IL17RD: variants seen among roughly 807,000 people sequenced by gnomAD.
IL17RD encodes interleukin 17 receptor D, also known as interleukin-17 receptor D.
IL17RD carries 52 observed loss-of-function variants against 80.5 expected under a neutral mutation model. That is an observed-to-expected ratio of 0.65 (90% CI 0.52 to 0.81). The LOEUF (loss-of-function observed/expected upper bound fraction) is 0.81, where lower values mean the gene tolerates loss of function less well. Ranked by LOEUF, IL17RD falls within the 40% of genes least tolerant of loss-of-function variation. The pLI is 0.00. For missense variants in IL17RD, 1,024 were observed against 955.1 expected (o/e 1.07, Z -0.95); for synonymous variants, 416 against 391.8 (o/e 1.06, Z -0.73).
chr3:57,130,160 C>T (rs1707575422), intron 1 of IL17RD, among the ~76,000 whole-genome samples: 1 of 152,232 alleles, frequency 6.6e-6, no homozygotes, highest in South Asian at 2.1e-4. Context: ...AATCCTTACC[C>T]AATTTCCCCC....
At chr3:57,114,316 G>A (rs991024474) in intron 3 of IL17RD, among the ~76,000 whole-genome samples, 2 of 152,170 alleles carry the variant, frequency 1.3e-5, no homozygotes, top group South Asian at 2.1e-4. Context: ...CTCTGTGTCC[G>A]CGGAGACTGC....
intron 1 of IL17RD, 45 bp downstream of exon 1, chr3:57,165,116 C>T: frequency 2.0e-6 from 3 of 1,478,610 alleles, no homozygotes; most frequent in Middle Eastern, 2.3e-4. Context: ...GCGCTGCGTC[C>T]CCCGCGAGTT....
chr3:57,129,626 G>A (rs1559478248), intron 1 of IL17RD, among the ~76,000 whole-genome samples: 1 of 152,122 alleles, frequency 6.6e-6, no homozygotes, highest in South Asian at 2.1e-4. Flanking sequence ...ACCCCAACAG[G>A]TCCCCGGCAA....
chr3:57,098,252 C>T lies in IL17RD; in HGVS notation c.1451G>A (p.Cys484Tyr), dbSNP rs1706740320. Residue 484 changes from cysteine (C) to tyrosine (Y), a missense_variant, in exon 12 of 13, where the codon TGC (cysteine) becomes TAC (tyrosine). Cys to Tyr is a radical substitution (Grantham distance 194). Coordinates refer to ENST00000296318, the MANE Select transcript of IL17RD (RefSeq NM_017563.5). ...KFIAVYFDYS[C>Y]EGDVPGILDL... ...TAGGATACCGGGGACGTCTCCCTCG[C>T]AGGAATAATCAAAGTAGACGGCGAT... 2.5e-6 allele frequency: 4 copies of T among 1,613,798 alleles called. No homozygotes were observed. The highest frequency in any genetic ancestry group is 3.4e-6 in the Non-Finnish European group (4 of 1,179,866).
rs778523659 is a variant in IL17RD, at chr3:57,098,369, C to T, written c.1334G>A (p.Gly445Glu). 5 of 1,614,036 alleles carry T rather than the reference C, an allele frequency of 3.1e-6. No homozygotes were observed. The highest frequency in any genetic ancestry group is 4.2e-6 in the Non-Finnish European group (5 of 1,179,908). Residue 445 changes from glycine to glutamate, a missense_variant, in exon 12 of 13, where the codon GGG (glycine) becomes GAG (glutamate). By Grantham distance (98) the Gly-to-Glu change is moderately conservative. Coordinates refer to ENST00000296318, the MANE Select transcript of IL17RD (RefSeq NM_017563.5). ...YKHKGGGRGS[G>E]KGELFLVAVS... ...CGCCACCAGGAAGAGCTCTCCTTTCCCCGAGCCTCGGCCACCTCCTTTGTG... is the reference window on the plus strand; with the variant it reads ...CGCCACCAGGAAGAGCTCTCCTTTCTCCGAGCCTCGGCCACCTCCTTTGTG...
In IL17RD at chr3:57,119,044, A is replaced by T. The variant is rs183326423; in HGVS notation, c.184+1212T>A. Among the ~76,000 whole-genome samples, 346 of 152,016 alleles carry T rather than the reference A, an allele frequency of 2.3e-3. 4 individuals carry two copies. The highest frequency in any genetic ancestry group is 7.6e-3 in the African/African-American group (315 of 41,480). On this transcript the variant is annotated intron_variant, in intron 2 of 12. Coordinates refer to ENST00000296318, the MANE Select transcript of IL17RD (RefSeq NM_017563.5). ...AACATGGCAAAACCCAGTCTCTACT[A>T]AAAATACAAAAACTAACTGGGTGTG... is the stretch of plus-strand genomic sequence containing the variant.
At chr3:57,113,235 T>C (rs185141911) in intron 3 of IL17RD, among the ~76,000 whole-genome samples, 23 of 152,314 alleles carry the variant, frequency 1.5e-4, no homozygotes, top group African/African-American at 4.8e-4. Flanking sequence ...CTTTTGTTTT[T>C]TATTTATTTA....
chr3:57,121,389 C>T (rs1707334637), intron 1 of IL17RD, among the ~76,000 whole-genome samples: 1 of 152,170 alleles, frequency 6.6e-6, no homozygotes, highest in African/African-American at 2.4e-5. Flanking sequence ...ATCCTGAAGC[C>T]AGGCACACCC....
chr3:57,124,233 A>G (rs1462023961), intron 1 of IL17RD, among the ~76,000 whole-genome samples: 1 of 152,126 alleles, frequency 6.6e-6, no homozygotes, highest in Non-Finnish European at 1.5e-5. Context: ...GTGCACTTCT[A>G]TTTTCCTTAC....
At chr3:57,128,095 TCTCTCA>T (rs1255237581) in intron 1 of IL17RD, among the ~76,000 whole-genome samples, 1 of 152,188 alleles carries the variant, frequency 6.6e-6, no homozygotes, top group African/African-American at 2.4e-5. Context: ...GTTCTCTCTC[TCTCTCA>T]AATTGAGATG....
Position 57,119,074 on chromosome 3 carries a change from C to T in IL17RD, c.184+1182G>A, listed in dbSNP as rs188686478. Reference sequence around the variant, plus strand: ...TACAAAAACTAACTGGGTGTGTGGCCGGGCGCGGTGGCTCACTCCTGTAAT... The same window carrying T: ...TACAAAAACTAACTGGGTGTGTGGCTGGGCGCGGTGGCTCACTCCTGTAAT... On this transcript the variant is annotated intron_variant, in intron 2 of 12. Transcript: ENST00000296318. 3.9e-5 allele frequency among the ~76,000 whole-genome samples: 6 copies of T among 152,100 alleles called. No homozygotes were observed. The East Asian group carries it at 5.8e-4, about 15-fold the overall frequency.
At position 57,097,904 on chromosome 3, in the gene IL17RD, T is replaced by A. The variant is rs1246245318; in HGVS notation, c.1799A>T (p.Asp600Val). ...AGCCGCCTCTACCTTTAGGCAGAAGTCACTCTCAGGCCCTGGTTTGCACAT... is the reference window on the plus strand; with the variant it reads ...AGCCGCCTCTACCTTTAGGCAGAAGACACTCTCAGGCCCTGGTTTGCACAT... ...DVMCKPGPESDFCLKVEAAVL... is the reference protein window; with the variant it reads ...DVMCKPGPESVFCLKVEAAVL... Residue 600 changes from aspartate (D) to valine (V), a missense_variant, in exon 12 of 13, where the codon GAC (aspartate) becomes GTC (valine). Physicochemically the swap from Asp to Val is radical, Grantham distance 152. Transcript: ENST00000296318. The A allele has an allele frequency of 6.2e-7, 1 of 1,613,840 alleles. No homozygotes were observed. Among genetic ancestry groups the A allele is most frequent in the Non-Finnish European group, 8.5e-7 (1 of 1,179,888 alleles).
Position 57,101,164 on chromosome 3 carries a change from C to T in IL17RD, c.1164+15G>A. The T allele has an allele frequency of 6.2e-7, 1 of 1,610,754 alleles. No homozygotes were observed. Among genetic ancestry groups the T allele is most frequent in the Non-Finnish European group, 8.5e-7 (1 of 1,177,768 alleles). On this transcript the variant is annotated intron_variant, in intron 11 of 12. Coordinates refer to ENST00000296318, the MANE Select transcript of IL17RD (RefSeq NM_017563.5). ...GTCCTGGCCAGGGTAGGAGAAGGAA[C>T]TTTAGATTCCGCACCTCACAGCCAC...
intron 1 of IL17RD, among the ~76,000 whole-genome samples, chr3:57,125,896 G>A (rs888959467): frequency 1.5e-4 from 23 of 152,212 alleles, no homozygotes; most frequent in African/African-American, 5.1e-4. Context: ...TCCTTGATAA[G>A]TATAAGTTTT....
intron 6 of IL17RD, 49 bp from the exon 7 acceptor site, chr3:57,106,057 C>T (rs189188372): frequency 6.2e-7 from 1 of 1,612,138 alleles, no homozygotes; most frequent in East Asian, 2.2e-5. Context: ...TACCCTAACA[C>T]CATCATAGTG....
At chr3:57,101,537 G>A (rs530149080) in intron 10 of IL17RD, among the ~76,000 whole-genome samples, 174 bp from the exon 11 acceptor site, 5 of 152,258 alleles carry the variant, frequency 3.3e-5, no homozygotes, top group South Asian at 2.1e-4. Context: ...GCTGATTTCC[G>A]CAGTGGAGCA....
At position 57,097,657 on chromosome 3, in the gene IL17RD, G is replaced by C. The variant is rs1438988544; in HGVS notation, c.2046C>G (p.Leu682=). 3.7e-6 allele frequency: 6 copies of C among 1,602,476 alleles called. No individual in the cohort carries two copies. Among genetic ancestry groups the C allele is most frequent in the East Asian group, 4.5e-5 (2 of 44,466 alleles). Residue 682 remains leucine, a synonymous_variant, in exon 12 of 13, where the codon CTC becomes CTG. Coordinates refer to ENST00000296318, the MANE Select transcript of IL17RD (RefSeq NM_017563.5). Reference sequence around the variant, plus strand: ...AAGACGTTTCTGTCTGGTCCGTCGAGAGTCCTTCCATCAGTGGCAGAGACA... The same window carrying C: ...AAGACGTTTCTGTCTGGTCCGTCGACAGTCCTTCCATCAGTGGCAGAGACA... ...SELSLPLMEG[L]STDQTETSSL... is the part of the protein sequence containing the mutation.
intron 1 of IL17RD, among the ~76,000 whole-genome samples, chr3:57,158,376 A>G (rs2060282303): frequency 6.6e-6 from 1 of 152,240 alleles, no homozygotes; most frequent in African/African-American, 2.4e-5. Context: ...CATTAGTTTT[A>G]CCATAAAATG....
chr3:57,097,424 A>T, intron 12 of IL17RD, 172 bp downstream of exon 12: 1 of 621,406 alleles, frequency 1.6e-6, no homozygotes, highest in Non-Finnish European at 2.9e-6. Flanking sequence ...CAACTCAAAC[A>T]TGTGAGTACT....
Sources: allele counts gnomAD v4.1 joint callset (sites outside exome capture counted in the v4.1 genomes callset), GRCh38; gene constraint gnomAD v4.1.1; transcripts MANE v1.5; gene names NCBI Gene and HGNC (gene_info 2026-07-23, HGNC 2026-07-21).